The following ZFHX3 variants were observed in gnomAD, a reference collection of about 807,000 sequenced individuals.
The protein encoded by ZFHX3 is zinc finger homeobox 3, also known as zinc finger homeobox protein 3.
Under a neutral mutation model 279.1 loss-of-function variants are expected in ZFHX3, and 42 were observed. That is an observed-to-expected ratio of 0.15 (90% confidence interval 0.12 to 0.19). ZFHX3 has a LOEUF of 0.19. Ranked by LOEUF, ZFHX3 falls within the 10% of genes least tolerant of loss-of-function variation. The pLI is 1.00. For synonymous variants in ZFHX3, 2,293 were observed against 1,957.8 expected, an observed-to-expected ratio of 1.17 and a Z score of -4.52; for missense variants, 4,981 against 4,754.0, an observed-to-expected ratio of 1.05 and a Z score of -1.40.
chr16:73,475,623 A>C (rs188013089), intron 2 of ZFHX3, among the ~76,000 whole-genome samples: 88 of 152,272 alleles, frequency 5.8e-4, no homozygotes, highest in African/African-American at 2.1e-3. Context: ...TTTTGTTGTT[A>C]ATAAATTTGA....
chr16:73,352,719 G>A (rs1815737647), intron 3 of ZFHX3, among the ~76,000 whole-genome samples: 2 of 151,948 alleles, frequency 1.3e-5, no homozygotes, highest in Non-Finnish European at 2.9e-5. Context: ...TCAAGCTGTT[G>A]GAACTGCACC....
At chr16:73,145,440 G>T (rs1485235949) in intron 5 of ZFHX3, among the ~76,000 whole-genome samples, 7 of 152,222 alleles carry the variant, frequency 4.6e-5, no homozygotes. Flanking sequence ...TCCTGCGGAG[G>T]ACCTTACCCT....
chr16:73,517,654 C>T (rs1246164258), intron 2 of ZFHX3, among the ~76,000 whole-genome samples: 9 of 152,212 alleles, frequency 5.9e-5, no homozygotes, highest in Non-Finnish European at 1.2e-4. Context: ...TTTCAACTAT[C>T]CCACCTATGA....
intron 1 of ZFHX3, among the ~76,000 whole-genome samples, chr16:73,697,649 A>C (rs1004775294): frequency 6.6e-6 from 1 of 152,204 alleles, no homozygotes; most frequent in Admixed American, 6.5e-5. Flanking sequence ...TTAAGTTCAC[A>C]GTCCTGACCT....
chr16:73,300,744 T>TCTCAACTC (rs2143130749), intron 4 of ZFHX3, among the ~76,000 whole-genome samples: 1 of 152,354 alleles, frequency 6.6e-6, no homozygotes, highest in Non-Finnish European at 1.5e-5. Context: ...CCTCAAGCGA[T>TCTCAACTC]CTGCCCACCT....
chr16:73,538,773 A>T (rs569378005), intron 2 of ZFHX3, among the ~76,000 whole-genome samples: 41 of 152,302 alleles, frequency 2.7e-4, no homozygotes, highest in African/African-American at 9.6e-4. Flanking sequence ...AAGTGAACAG[A>T]TAGATCTGCG....
chr16:72,787,093 T>G lies in ZFHX3; in HGVS notation c.*71A>C. 1 of 1,295,694 alleles carries G rather than the reference T, an allele frequency of 7.7e-7. No homozygotes were observed. The highest frequency in any genetic ancestry group is 1.0e-6 in the Non-Finnish European group (1 of 1,002,298). The allele number at this position is 1,295,694 out of a possible 1,614,324, so 80.3% of individuals were successfully genotyped here. On this transcript the variant is annotated 3_prime_UTR_variant, in exon 10 of 10. Coordinates refer to ENST00000268489, the MANE Select transcript of ZFHX3 (RefSeq NM_006885.4). Reference sequence around the variant, plus strand: ...AGAAGCTTTGGAATTGCAGTTAGTCTATTTTTGAAATTGGTTTGTTATTAA... The same window carrying G: ...AGAAGCTTTGGAATTGCAGTTAGTCGATTTTTGAAATTGGTTTGTTATTAA...
At chr16:72,938,290 A>G (rs1960226808) in intron 3 of ZFHX3, among the ~76,000 whole-genome samples, 2 of 152,288 alleles carry the variant, frequency 1.3e-5, no homozygotes, top group Admixed American at 1.3e-4. Flanking sequence ...TGCCCATCTC[A>G]GCAACGCAGG....
At position 73,836,803 on chromosome 16, in the gene ZFHX3, G is replaced by A. The variant is rs1002719953; in HGVS notation, c.-1608+54848C>T. On this transcript the variant is annotated intron_variant, in intron 1 of 17. Transcript: ENST00000641206. The stretch of plus-strand genomic sequence containing the variant: ...GGTGCCTTCCTTAGATGATTAGTTC[G>A]TTAAGCTAGATTAATGTCTCTCTTA... Among the ~76,000 whole-genome samples the A allele has an allele frequency of 5.9e-5, 9 of 152,306 alleles. No individual in the cohort carries two copies. The East Asian group carries it at 1.2e-3, about 20-fold the overall frequency.
intron 4 of ZFHX3, among the ~76,000 whole-genome samples, chr16:72,888,913 C>A (rs560307709): frequency 6.6e-4 from 101 of 152,158 alleles, no homozygotes; most frequent in African/African-American, 2.3e-3. Context: ...GAAAGGAGAG[C>A]TTTTCTTGGA....
At chr16:73,743,681 G>C (rs1260448090) in intron 1 of ZFHX3, among the ~76,000 whole-genome samples, 1 of 152,104 alleles carries the variant, frequency 6.6e-6, no homozygotes, top group Non-Finnish European at 1.5e-5. Context: ...AAGAAAAAGA[G>C]GTACCGTATT....
At chr16:73,795,578 T>G (rs1305089580) in intron 1 of ZFHX3, among the ~76,000 whole-genome samples, 1 of 152,104 alleles carries the variant, frequency 6.6e-6, no homozygotes, top group South Asian at 2.1e-4. Context: ...CCTTTCTATC[T>G]CATTAAAACC....
rs113953234 is a variant in ZFHX3 at position 72,825,790 on chromosome 16, A to G, written c.3529+3989T>C. 6.4e-3 allele frequency among the ~76,000 whole-genome samples: 973 copies of G among 152,338 alleles called. 5 individuals are homozygous for G. Among genetic ancestry groups the G allele is most frequent in the South Asian group, 0.013 (63 of 4,824 alleles). On this transcript the variant is annotated intron_variant, in intron 5 of 9. Transcript: ENST00000268489. ...GCTGCACATGTGGCTACTTAAATCT[A>G]AATTCATTAAAATTAAATACAATTT...
chr16:73,711,274 C>T (rs1030099554), intron 1 of ZFHX3, among the ~76,000 whole-genome samples: 1 of 152,024 alleles, frequency 6.6e-6, no homozygotes, highest in African/African-American at 2.4e-5. Flanking sequence ...AAAAAACCAT[C>T]CCGTGAAGTT....
chr16:73,765,200 G>T (rs1349630558), intron 1 of ZFHX3, among the ~76,000 whole-genome samples: 1 of 151,982 alleles, frequency 6.6e-6, no homozygotes, highest in Non-Finnish European at 1.5e-5. Context: ...CTGTCTCATG[G>T]GTTACCCAAG....
At chr16:73,839,959 C>T (rs1411894853) in intron 1 of ZFHX3, among the ~76,000 whole-genome samples, 1 of 152,212 alleles carries the variant, frequency 6.6e-6, no homozygotes, top group African/African-American at 2.4e-5. Context: ...ATTTCCCATT[C>T]CTGGACCCAT....
chr16:73,176,142 C>G (rs530024164), intron 5 of ZFHX3, among the ~76,000 whole-genome samples: 2 of 152,084 alleles, frequency 1.3e-5, no homozygotes, highest in Admixed American at 1.3e-4. Flanking sequence ...CATCTAGCAC[C>G]GTCCCATCAC....
chr16:72,988,783 AATC>A (rs1962950227), intron 1 of ZFHX3, among the ~76,000 whole-genome samples: 1 of 152,344 alleles, frequency 6.6e-6, no homozygotes, highest in East Asian at 1.9e-4. Context: ...TAAATTGCAA[AATC>A]ATCATAATTT....
intron 4 of ZFHX3, among the ~76,000 whole-genome samples, chr16:73,272,741 A>G (rs1485917336): frequency 1.3e-5 from 2 of 152,158 alleles, no homozygotes; most frequent in Non-Finnish European, 2.9e-5. Flanking sequence ...TGTTAAGGGT[A>G]TCTTTAATGC....
Sources: allele counts gnomAD v4.1 joint callset (sites outside exome capture counted in the v4.1 genomes callset), GRCh38; gene constraint gnomAD v4.1.1; transcripts MANE v1.5; gene names NCBI Gene and HGNC (gene_info 2026-07-23, HGNC 2026-07-21).